BRCA1: variants seen among roughly 807,000 people sequenced by gnomAD.
The protein encoded by BRCA1 is BRCA1 DNA repair associated, also known as breast cancer type 1 susceptibility protein.
In BRCA1, 140 loss-of-function variants were observed where a neutral mutation model predicts 173.7. The observed-to-expected ratio is 0.81, with a 90% CI of 0.70 to 0.93. BRCA1 has a LOEUF of 0.93. Ranked by LOEUF, BRCA1 falls within the 40% of genes least tolerant of loss-of-function variation. BRCA1 has a pLI of 0.00. For synonymous variants in BRCA1, 662 were observed against 756.0 expected, an observed-to-expected ratio of 0.88 and a Z score of 2.04; for missense variants, 1,983 against 2,172.5, an observed-to-expected ratio of 0.91 and a Z score of 1.73.
In BRCA1 at chr17:43,094,283, T is replaced by C. The variant is rs1057522369; in HGVS notation, c.1248A>G (p.Leu416=). Residue 416 remains leucine, a synonymous_variant, in exon 10 of 23, where the codon CTA becomes CTG. Transcript: ENST00000357654. ...AACCAGAATATTCATCTACCTCATT[T>C]AGAACGTCCAATACATCAGCTACTT... ...NAKVADVLDV[L]NEVDEYSGSS... The C allele has an allele frequency of 6.2e-7, 1 of 1,614,210 alleles. No individual in the cohort carries two copies. The highest frequency in any genetic ancestry group is 8.5e-7 in the Non-Finnish European group (1 of 1,180,036).
At chr17:43,123,536 G>A (rs907101971) in intron 2 of BRCA1, among the ~76,000 whole-genome samples, 10 of 151,988 alleles carry the variant, frequency 6.6e-5, no homozygotes, top group Non-Finnish European at 1.0e-4. Flanking sequence ...TTTTAGTGGA[G>A]AGGGGGTTTC....
intron 15 of BRCA1, among the ~76,000 whole-genome samples, chr17:43,068,194 G>A (rs987250413): frequency 2.6e-5 from 4 of 151,180 alleles, no homozygotes; most frequent in African/African-American, 7.3e-5. Context: ...GGAGAATGGC[G>A]TGAACCCAGG....
chr17:43,127,604 A>C (rs1165952347), upstream of BRCA1, among the ~76,000 whole-genome samples: 1 of 152,166 alleles, frequency 6.6e-6, no homozygotes, highest in Non-Finnish European at 1.5e-5. Context: ...ACCAATCAGC[A>C]CTCTGTGTAT....
At position 43,092,051 on chromosome 17, in the gene BRCA1, C is replaced by T. The variant is rs2053580143; in HGVS notation, c.3480G>A (p.Lys1160=). 6.2e-7 allele frequency: 1 copy of T among 1,613,922 alleles called. No homozygotes were observed. The highest frequency in any genetic ancestry group is 1.3e-5 in the African/African-American group (1 of 74,922). ...CATTTTCAGCAAAACTAGTATCTTCCTTTATTTCACCATCATCTAACAGGT... is the reference window on the plus strand; with the variant it reads ...CATTTTCAGCAAAACTAGTATCTTCTTTTATTTCACCATCATCTAACAGGT... The part of the protein sequence containing the change: ...PDDLLDDGEI[K]EDTSFAENDI... The change falls in exon 10 of 23, where the codon AAG becomes AAA. Residue 1160 remains lysine (K), a synonymous_variant. Transcript: ENST00000357654.
In BRCA1 at chr17:43,094,578, T is replaced by G. The variant is rs776278453; in HGVS notation, c.953A>C (p.His318Pro). 6.2e-7 allele frequency: 1 copy of G among 1,614,212 alleles called. No individual in the cohort carries two copies. The highest frequency in any genetic ancestry group is 8.5e-7 in the Non-Finnish European group (1 of 1,180,024). The change falls in exon 10 of 23, where the codon CAT becomes CCT. Residue 318 changes from histidine to proline, a missense_variant. His to Pro is a moderately conservative substitution (Grantham distance 77, BLOSUM62 -2). Coordinates refer to ENST00000357654, the MANE Select transcript of BRCA1 (RefSeq NM_007294.4). ...TTCCTTACTTCCAGCCCATCTGTTA[T>G]GTTGGCTCCTTGCTAAGCCAGGCTG... ...SKQPGLARSQ[H>P]NRWAGSKETC... is the part of the protein sequence containing the mutation.
intron 16 of BRCA1, chr17:43,067,323 C>T (rs1469821097): frequency 2.4e-5 from 7 of 292,196 alleles, no homozygotes; most frequent in Middle Eastern, 1.2e-3. Context: ...GGCATGATCT[C>T]GGCTCACTGC....
At chr17:43,057,707 G>A (rs1177880756) in intron 18 of BRCA1, among the ~76,000 whole-genome samples, 5 of 151,530 alleles carry the variant, frequency 3.3e-5, no homozygotes, top group Non-Finnish European at 7.4e-5. Flanking sequence ...GTAGTGGCAG[G>A]CGCCTGTAGT....
chr17:43,065,536 T>A (rs1319786435), intron 16 of BRCA1, among the ~76,000 whole-genome samples: 2 of 152,120 alleles, frequency 1.3e-5, no homozygotes, highest in Non-Finnish European at 2.9e-5. Context: ...TGGTGGTGCA[T>A]TCCTGTAATC....
intron 15 of BRCA1, among the ~76,000 whole-genome samples, chr17:43,068,816 G>A (rs1027378676): frequency 1.3e-5 from 2 of 152,088 alleles, no homozygotes; most frequent in Non-Finnish European, 2.9e-5. Context: ...GTGCAAAAGC[G>A]ATCAATTCTC....
In BRCA1 at chr17:43,092,204, T is replaced by G. The variant is rs41293449; in HGVS notation, c.3327A>C (p.Lys1109Asn). Residue 1109 changes from lysine to asparagine, a missense_variant, in exon 10 of 23, where the codon AAA becomes AAC. Physicochemically the swap from Lys to Asn is moderately conservative, Grantham distance 94. Coordinates refer to ENST00000357654, the MANE Select transcript of BRCA1 (RefSeq NM_007294.4). ...GAACTACTTCTTCATATTCTTGCTT[T>G]TTTATTTCAGGATGCTTACAATTAC... is the stretch of plus-strand genomic sequence containing the variant. ...PGSNCKHPEIKKQEYEEVVQT... is the reference protein window; with the variant it reads ...PGSNCKHPEINKQEYEEVVQT... 5.8e-5 allele frequency: 94 copies of G among 1,613,220 alleles called. No homozygotes were observed. Among genetic ancestry groups the G allele is most frequent in the Non-Finnish European group, 7.4e-5 (87 of 1,179,956 alleles).
chr17:43,047,154 C>T lies in BRCA1; in HGVS notation c.5467+489G>A, dbSNP rs1342997957. 3.3e-5 allele frequency among the ~76,000 whole-genome samples: 5 copies of T among 152,038 alleles called. No individual in the cohort carries two copies. In the East Asian group the frequency reaches 5.8e-4, roughly 18 times the overall value. ...TCGCTCTGTCGCCCAGGCTGGAGTA[C>T]AGTGGTGTGATCGTGGCTCACTGAA... is the stretch of plus-strand genomic sequence containing the variant. On this transcript the variant is annotated intron_variant, in intron 22 of 22. Coordinates refer to ENST00000357654, the MANE Select transcript of BRCA1 (RefSeq NM_007294.4).
At chr17:43,103,399 G>T (rs573994644) in intron 6 of BRCA1, among the ~76,000 whole-genome samples, 1 of 151,762 alleles carries the variant, frequency 6.6e-6, no homozygotes, top group Non-Finnish European at 1.5e-5. Flanking sequence ...CCTGGGAGGC[G>T]GAGGTTGCAG....
At chr17:43,111,226 G>T (rs908483379) in intron 3 of BRCA1, among the ~76,000 whole-genome samples, 2 of 151,522 alleles carry the variant, frequency 1.3e-5, no homozygotes, top group Admixed American at 6.6e-5. Flanking sequence ...CTTCATAAAA[G>T]ATTTCAGAAC....
chr17:43,136,934 T>C (rs551259297), intron 1 of BRCA1, among the ~76,000 whole-genome samples: 31 of 152,336 alleles, frequency 2.0e-4, no homozygotes, highest in African/African-American at 6.7e-4. Context: ...TTACTGGGCA[T>C]ATATCCAAAG....
intron 18 of BRCA1, among the ~76,000 whole-genome samples, chr17:43,059,658 C>T (rs2051664476): frequency 6.6e-6 from 1 of 152,152 alleles, no homozygotes; most frequent in South Asian, 2.1e-4. Context: ...AAGTGTCACT[C>T]CTTCAATTTC....
chr17:43,144,032 A>C (rs2056099530), intron 1 of BRCA1, among the ~76,000 whole-genome samples: 1 of 152,100 alleles, frequency 6.6e-6, no homozygotes, highest in Non-Finnish European at 1.5e-5. Context: ...CATCCTGGCT[A>C]AGATGGTGAA....
rs2054352247 is a variant in BRCA1 at position 43,100,572 on chromosome 17, AAC to A, written c.442-694_442-693del. Among the ~76,000 whole-genome samples the A allele has an allele frequency of 6.9e-5, 6 of 86,600 alleles. 1 individual carries two copies. In the South Asian group the frequency reaches 2.5e-3, roughly 37 times the overall value. 56.8% of individuals were successfully genotyped at this position (86,600 alleles called of 152,430 possible). On this transcript the variant is annotated intron_variant, in intron 6 of 22. Coordinates refer to ENST00000357654, the MANE Select transcript of BRCA1 (RefSeq NM_007294.4). ...TGTGTGTGTGTGTATATATATATAT[AAC>A]ATATATATAACATATATATATTATA...
chr17:43,166,216 C>T (rs1197807190), intron 1 of BRCA1: 2 of 152,014 alleles, frequency 1.3e-5, no homozygotes, highest in African/African-American at 4.8e-5. Flanking sequence ...GTCTCTTCCT[C>T]TCTCTCTTTT....
intron 21 of BRCA1, among the ~76,000 whole-genome samples, chr17:43,048,883 G>T (rs769604075): frequency 1.3e-5 from 2 of 152,042 alleles, no homozygotes; most frequent in Non-Finnish European, 2.9e-5. Context: ...AGAGAGGAGG[G>T]GGAGGGACAT....
Sources: gnomAD v4.1 joint callset for allele counts (sites outside exome capture counted in the v4.1 genomes callset) on GRCh38, gnomAD v4.1.1 for gene constraint, MANE v1.5 for transcripts, NCBI Gene and HGNC (gene_info 2026-07-23, HGNC 2026-07-21) for gene names.